SLC5A6: variants seen among roughly 807,000 people sequenced by gnomAD.
The protein encoded by SLC5A6 is solute carrier family 5 member 6.
Under a neutral mutation model 67.9 loss-of-function variants are expected in SLC5A6, and 31 were observed. The observed-to-expected ratio is 0.46, with a 90% CI of 0.34 to 0.62. The LOEUF is 0.62. Among genes scored for constraint, SLC5A6 ranks in the 20% least tolerant of loss-of-function variants. The pLI is 0.01. For synonymous variants in SLC5A6, 343 were observed against 331.0 expected, an observed-to-expected ratio of 1.04 and a Z score of -0.39; for missense variants, 673 against 812.8, an observed-to-expected ratio of 0.83 and a Z score of 2.09.
chr2:27,206,585 A>T (rs753198976), intron 4 of SLC5A6, 51 bp from the exon 5 acceptor site: 1 of 1,548,252 alleles, frequency 6.5e-7, no homozygotes, highest in Admixed American at 1.7e-5. Context: ...GTGGGAAGAG[A>T]GAGGAAGAAA....
chr2:27,211,924 G>A (rs1572406182), intron 1 of SLC5A6, 96 bp downstream of exon 1: 2 of 414,940 alleles, frequency 4.8e-6, no homozygotes, highest in Non-Finnish European at 8.4e-6. Flanking sequence ...CACGTGGGTA[G>A]CCAGAGCCCG....
rs1232968390 is a variant in SLC5A6, at chr2:27,207,672, T to C, written c.-22A>G. 3 of 1,591,276 alleles carry C rather than the reference T, an allele frequency of 1.9e-6. No individual in the cohort carries two copies. The highest frequency in any genetic ancestry group is 2.7e-5 in the African/African-American group (2 of 74,622). On this transcript the variant is annotated 5_prime_UTR_variant, in exon 3 of 17. Transcript: ENST00000310574. The surrounding 1 kb of genome is among the most constrained non-coding windows in gnomAD (Gnocchi z 5.5). ...TCATATCCTCACTGTGTCTGTGATC[T>C]GCAGCCAGTTGCTGCTCCAGGGCTC...
chr2:27,212,611 C>T (rs1001834084), upstream of SLC5A6: 26 of 1,431,710 alleles, frequency 1.8e-5, no homozygotes, highest in African/African-American at 1.9e-4. Flanking sequence ...CAGCCAGGTC[C>T]TGTTCCCAAG....
intron 5 of SLC5A6, 144 bp from the exon 6 acceptor site, chr2:27,206,237 G>T: frequency 1.3e-6 from 1 of 770,224 alleles, no homozygotes; most frequent in Non-Finnish European, 2.2e-6. Context: ...GGAGAAAAAT[G>T]TTTGCAGAGC....
chr2:27,202,971 A>C, intron 11 of SLC5A6, 91 bp from the exon 12 acceptor site: 1 of 1,569,138 alleles, frequency 6.4e-7, no homozygotes, highest in Non-Finnish European at 8.6e-7. Context: ...CCAAACTACC[A>C]CCTCTGTCTC....
intron 1 of SLC5A6, 59 bp downstream of exon 1, chr2:27,211,961 G>T (rs1047532777): frequency 2.4e-6 from 1 of 421,840 alleles, no homozygotes; most frequent in South Asian, 3.7e-5. Context: ...GGGAGCCCGC[G>T]GGGGCCCCGC....
intron 8 of SLC5A6, 98 bp downstream of exon 8, chr2:27,204,693 G>A: frequency 6.3e-7 from 1 of 1,592,576 alleles, no homozygotes; most frequent in East Asian, 2.2e-5. Context: ...GACCACAGTG[G>A]ATGTGTATGC....
At chr2:27,209,262 T>C (rs950238752) in intron 2 of SLC5A6, among the ~76,000 whole-genome samples, 1 of 152,214 alleles carries the variant, frequency 6.6e-6, no homozygotes, top group African/African-American at 2.4e-5. Context: ...GGCAATCCTC[T>C]GGGGTACTTA....
chr2:27,206,482 C>G lies in SLC5A6; in HGVS notation c.511+1G>C. On this transcript the variant is annotated splice_donor_variant, in intron 5 of 16. Transcript: ENST00000310574. LOFTEE classifies it high-confidence loss of function. ...AAGCCAGGGGCTGTGTGACTCCTCA[C>G]CTGCATTGAGAGCCAATGACGGAGC... is the stretch of plus-strand genomic sequence containing the variant. 1 of 1,614,114 alleles carries G rather than the reference C, an allele frequency of 6.2e-7. No individual in the cohort carries two copies. Among genetic ancestry groups the G allele is most frequent in the Non-Finnish European group, 8.5e-7 (1 of 1,179,974 alleles).
intron 5 of SLC5A6, 113 bp from the exon 6 acceptor site, chr2:27,206,206 A>C: frequency 2.2e-6 from 2 of 920,602 alleles, no homozygotes; most frequent in Non-Finnish European, 3.5e-6. Context: ...ATTAACAATG[A>C]AATAAATCAT....
At chr2:27,202,095 G>T in intron 12 of SLC5A6, 21 bp from the exon 13 acceptor site, 3 of 1,584,820 alleles carry the variant, frequency 1.9e-6, no homozygotes, top group Non-Finnish European at 2.6e-6. Flanking sequence ...AGGGTGAGAA[G>T]AAAAGGAAAA....
chr2:27,206,433 G>T (rs982976516), intron 5 of SLC5A6, 50 bp downstream of exon 5: 13 of 1,563,294 alleles, frequency 8.3e-6, no homozygotes, highest in Non-Finnish European at 1.1e-5. Context: ...TCCCAAAGGT[G>T]CTTTCCTAAC....
chr2:27,201,242 C>G, intron 15 of SLC5A6, 108 bp downstream of exon 15: 2 of 967,048 alleles, frequency 2.1e-6, no homozygotes, highest in Non-Finnish European at 3.2e-6. Context: ...AGCCTGACAG[C>G]TACGGACACC....
At position 27,212,001 on chromosome 2, in the gene SLC5A6, G is replaced by C. The variant is rs954468473; in HGVS notation, c.-208+19C>G. The stretch of plus-strand genomic sequence containing the variant: ...TGCCCGCCCCCTGCCCGCCCCGCTC[G>C]CCGTGCCGCCATGTTTACTGAGGGC... On this transcript the variant is annotated intron_variant, in intron 1 of 16. Transcript: ENST00000310574. The C allele has an allele frequency of 3.9e-6, 2 of 510,630 alleles. No individual in the cohort carries two copies. The highest frequency in any genetic ancestry group is 2.8e-5 in the South Asian group (1 of 35,570). The allele number at this position is 510,630 out of a possible 1,614,324, so 31.6% of individuals were successfully genotyped here. A position where few individuals can be genotyped will look rare whatever the true frequency, so the allele number is the denominator to read the frequency against.
chr2:27,212,271 G>C, upstream of SLC5A6: 1 of 1,555,326 alleles, frequency 6.4e-7, no homozygotes, highest in Non-Finnish European at 8.7e-7. Flanking sequence ...ACTGGACCGG[G>C]CCGCTTAGGC....
rs1304868206 is a variant in SLC5A6, at chr2:27,201,389, T to C, written c.1609A>G (p.Thr537Ala). 2 of 1,613,324 alleles carry C rather than the reference T, an allele frequency of 1.2e-6. No individual in the cohort carries two copies. The highest frequency in any genetic ancestry group is 1.1e-5 in the South Asian group (1 of 91,062). Residue 537 changes from threonine (T) to alanine (A), a missense_variant, in exon 15 of 17, where the codon ACA becomes GCA. By Grantham distance (58) the Thr-to-Ala change is moderately conservative. Coordinates refer to ENST00000310574, the MANE Select transcript of SLC5A6 (RefSeq NM_021095.4). ...YLWYSAHNST[T>A]VIVVGLIVSL... ...ACAATCAGGCCCACCACAATCACTG[T>C]GGTGGAGTTGTGAGCACTGTACCAT...
rs142757011 is a variant in SLC5A6, at chr2:27,201,700, C to G, written c.1510G>C (p.Val504Leu). 103 of 1,614,076 alleles carry G rather than the reference C, an allele frequency of 6.4e-5. No homozygotes were observed. Among genetic ancestry groups the G allele is most frequent in the Non-Finnish European group, 8.2e-5 (97 of 1,180,010 alleles). Residue 504 changes from valine (V) to leucine (L), a missense_variant, in exon 14 of 17, where the codon GTG becomes CTG. Coordinates refer to ENST00000310574, the MANE Select transcript of SLC5A6 (RefSeq NM_021095.4). ...SLPTNLTVATVTTLMPLTTFS... is the reference protein window; with the variant it reads ...SLPTNLTVATLTTLMPLTTFS... ...GTAGTCAAGGGCATCAGTGTGGTCA[C>G]AGTGGCAACGGTTAGATTGGTGGGC...
rs758228680 is a variant in SLC5A6, at chr2:27,205,365, C to T, written c.719G>A (p.Arg240His). The change falls in exon 7 of 17, where the codon CGC (arginine) becomes CAC (histidine). Residue 240 changes from arginine to histidine, a missense_variant. Coordinates refer to ENST00000310574, the MANE Select transcript of SLC5A6 (RefSeq NM_021095.4). ...GTATACTTACTCAAACCCAGAGATG[C>T]GGCCGTGCTGGGAAGCCACGGCCCA... The part of the protein sequence containing the change: ...RVWAVASQHG[R>H]ISGFELDPDP... 11 of 1,613,978 alleles carry T rather than the reference C, an allele frequency of 6.8e-6. No homozygotes were observed. The highest frequency in any genetic ancestry group is 1.7e-5 in the Admixed American group (1 of 59,984).
chr2:27,210,797 G>A (rs1186986207), intron 2 of SLC5A6, among the ~76,000 whole-genome samples: 1 of 152,004 alleles, frequency 6.6e-6, no homozygotes, highest in African/African-American at 2.4e-5. Flanking sequence ...GCCGAGGCGG[G>A]CAGATCACGA....
Sources: gnomAD v4.1 joint callset for allele counts (sites outside exome capture counted in the v4.1 genomes callset) on GRCh38, gnomAD v4.1.1 for gene constraint, Gnocchi (gnomAD v3.1) non-coding constraint, MANE v1.5 for transcripts, NCBI Gene and HGNC (gene_info 2026-07-23, HGNC 2026-07-21) for gene names.